The following ZNF827 variants were observed in gnomAD, a reference collection of about 807,000 sequenced individuals.
ZNF827 encodes zinc finger protein 827.
In ZNF827, 13 loss-of-function variants were observed where a neutral mutation model predicts 102.4. That is an observed-to-expected ratio of 0.13 (90% CI 0.08 to 0.20). The LOEUF (loss-of-function observed/expected upper bound fraction) is 0.20. Ranked by LOEUF, ZNF827 falls within the 10% of genes least tolerant of loss-of-function variation. The pLI is 1.00. For synonymous variants in ZNF827, 523 were observed against 536.2 expected, an observed-to-expected ratio of 0.98 and a Z score of 0.34; for missense variants, 1,103 against 1,344.4, an observed-to-expected ratio of 0.82 and a Z score of 2.81.
At chr4:145,925,491 T>C (rs1434326093) in intron 1 of ZNF827, among the ~76,000 whole-genome samples, 1 of 152,226 alleles carries the variant, frequency 6.6e-6, no homozygotes, top group Non-Finnish European at 1.5e-5. Flanking sequence ...TCTGTGATTA[T>C]TTCGTGTCAA....
intron 4 of ZNF827, 64 bp downstream of exon 4, chr4:145,885,604 CAGAGACAGAG>C (rs1412077698): frequency 5.6e-6 from 8 of 1,425,550 alleles, no homozygotes; most frequent in Non-Finnish European, 9.1e-7. Flanking sequence ...TACTGGTAGA[CAGAGACAGAG>C]AGAGAGAGAG....
At chr4:145,897,604 T>C (rs577459485) in intron 2 of ZNF827, among the ~76,000 whole-genome samples, 2 of 152,322 alleles carry the variant, frequency 1.3e-5, no homozygotes, top group South Asian at 2.1e-4. Flanking sequence ...GTGTCTCAAA[T>C]GCTATTTCAT....
At chr4:145,878,198 C>A (rs115018710) in intron 4 of ZNF827, among the ~76,000 whole-genome samples, 2 of 152,250 alleles carry the variant, frequency 1.3e-5, no homozygotes, top group South Asian at 2.1e-4. Flanking sequence ...GAAATGGCTA[C>A]GATTCCCCCC....
chr4:145,829,011 C>T (rs553837793), intron 7 of ZNF827, among the ~76,000 whole-genome samples: 24 of 152,190 alleles, frequency 1.6e-4, no homozygotes, highest in African/African-American at 9.6e-5. Flanking sequence ...TGAAACCAAA[C>T]GTTACAGGGA....
intron 7 of ZNF827, among the ~76,000 whole-genome samples, chr4:145,844,729 T>C (rs1013932114): frequency 8.1e-6 from 1 of 123,478 alleles, no homozygotes; most frequent in Non-Finnish European, 1.7e-5. Flanking sequence ...AATAAATAAA[T>C]AAAATAAACC....
At chr4:145,926,635 T>C (rs538958393) in intron 1 of ZNF827, among the ~76,000 whole-genome samples, 26 of 152,318 alleles carry the variant, frequency 1.7e-4, no homozygotes, top group African/African-American at 5.8e-4. Flanking sequence ...GAAGTTGGGA[T>C]GAGGGGACTT....
At chr4:145,890,804 T>G (rs1177417416) in intron 3 of ZNF827, among the ~76,000 whole-genome samples, 1 of 152,140 alleles carries the variant, frequency 6.6e-6, no homozygotes, top group Non-Finnish European at 1.5e-5. Context: ...CTGAGTAAAA[T>G]TCAGCCAACC....
chr4:145,803,213 T>A (rs914016283), intron 8 of ZNF827, among the ~76,000 whole-genome samples: 1 of 152,204 alleles, frequency 6.6e-6, no homozygotes, highest in Non-Finnish European at 1.5e-5. Context: ...CAAAAAATTT[T>A]AAAAGCCACC....
intron 4 of ZNF827, chr4:145,876,426 G>T (rs1046219424): frequency 2.0e-5 from 3 of 152,226 alleles, no homozygotes; most frequent in Non-Finnish European, 4.4e-5. Context: ...TGCAAGGGTA[G>T]ATTCAAGTGT....
intron 8 of ZNF827, among the ~76,000 whole-genome samples, chr4:145,790,686 A>G (rs907740288): frequency 6.6e-6 from 1 of 152,216 alleles, no homozygotes; most frequent in Non-Finnish European, 1.5e-5. Flanking sequence ...GATCATATCA[A>G]TCATTCCTTT....
rs1734067379 is a variant in ZNF827, at chr4:145,757,830, C to T, written c.*3786G>A. On this transcript the variant is annotated 3_prime_UTR_variant, in exon 15 of 15. Transcript: ENST00000508784. ...AACCTTGACAGTATGATCATCTGAACATAATATGAAGAGTTAAAAAAAGGA... is the reference window on the plus strand; with the variant it reads ...AACCTTGACAGTATGATCATCTGAATATAATATGAAGAGTTAAAAAAAGGA... 6.6e-6 allele frequency: 1 copy of T among 151,646 alleles called. No homozygotes were observed. The highest frequency in any genetic ancestry group is 6.6e-5 in the Admixed American group (1 of 15,232). The allele number at this position is 151,646 out of a possible 1,614,324, so 9.4% of individuals were successfully genotyped here.
At chr4:145,849,017 C>A (rs1746258711) in intron 6 of ZNF827, among the ~76,000 whole-genome samples, 1 of 152,116 alleles carries the variant, frequency 6.6e-6, no homozygotes, top group Non-Finnish European at 1.5e-5. Context: ...ATCAGATCAA[C>A]TGCCTAAGCA....
At chr4:145,917,619 A>G (rs1752749849) in intron 1 of ZNF827, among the ~76,000 whole-genome samples, 1 of 150,186 alleles carries the variant, frequency 6.7e-6, no homozygotes, top group Admixed American at 6.6e-5. Context: ...CACTTTGGAA[A>G]ATGCATCAAG....
intron 2 of ZNF827, among the ~76,000 whole-genome samples, chr4:145,898,131 G>A (rs1441068681): frequency 6.6e-6 from 1 of 152,148 alleles, no homozygotes; most frequent in Non-Finnish European, 1.5e-5. Context: ...CTCTAGCCTG[G>A]GCTATAGAGC....
At chr4:145,935,940 C>G (rs1754130191) in intron 1 of ZNF827, among the ~76,000 whole-genome samples, 1 of 152,136 alleles carries the variant, frequency 6.6e-6, no homozygotes, top group South Asian at 2.1e-4. Context: ...AGATAAATCC[C>G]TTCTCCTCTC....
In ZNF827 at chr4:145,885,964, C is replaced by G; in HGVS notation, c.1461G>C (p.Gly487=). Residue 487 remains glycine (G), a synonymous_variant, in exon 4 of 15, where the codon GGG becomes GGC. Transcript: ENST00000508784. ...SPHLSDSACL[G]QQREGGGTEL... is the part of the protein sequence containing the mutation. ...CTGTCCCTCCTCCTTCCCTTTGCTG[C>G]CCCAGGCAGGCACTGTCACTGAGGT... The G allele has an allele frequency of 6.2e-7, 1 of 1,614,040 alleles. No individual in the cohort carries two copies. The highest frequency in any genetic ancestry group is 8.5e-7 in the Non-Finnish European group (1 of 1,179,942).
At chr4:145,912,791 G>A (rs1752384145) in intron 1 of ZNF827, among the ~76,000 whole-genome samples, 1 of 152,186 alleles carries the variant, frequency 6.6e-6, no homozygotes, top group African/African-American at 2.4e-5. Context: ...GTGGCCTTGT[G>A]GACACCTTGA....
At chr4:145,796,254 T>C (rs916228671) in intron 8 of ZNF827, among the ~76,000 whole-genome samples, 2 of 152,226 alleles carry the variant, frequency 1.3e-5, no homozygotes, top group African/African-American at 4.8e-5. Context: ...ACAGAGCTGC[T>C]TAAGAATAAT....
intron 5 of ZNF827, among the ~76,000 whole-genome samples, chr4:145,862,801 T>C (rs1277916412): frequency 6.6e-6 from 1 of 152,248 alleles, no homozygotes; most frequent in East Asian, 1.9e-4. Flanking sequence ...GACTTTCCTT[T>C]TAATATTAAA....
Sources: gnomAD v4.1 joint callset for allele counts (sites outside exome capture counted in the v4.1 genomes callset) on GRCh38, gnomAD v4.1.1 for gene constraint, MANE v1.5 for transcripts, NCBI Gene and HGNC (gene_info 2026-07-23, HGNC 2026-07-21) for gene names.